PAFAH1B1: variants seen among roughly 807,000 people sequenced by gnomAD.
PAFAH1B1 encodes the protein platelet-activating factor acetylhydrolase IB subunit beta.
PAFAH1B1 carries 2 observed loss-of-function variants against 57.5 expected under a neutral mutation model. The ratio of observed to expected loss-of-function variants is 0.03; its 90% CI spans 0.01 to 0.11. PAFAH1B1 has a LOEUF of 0.11. Among genes scored for constraint, PAFAH1B1 ranks in the 10% least tolerant of loss-of-function variants. PAFAH1B1 has a pLI of 1.00. For synonymous variants in PAFAH1B1, 152 were observed against 169.6 expected, an observed-to-expected ratio of 0.90 and a Z score of 0.81; for missense variants, 257 against 512.0, an observed-to-expected ratio of 0.50 and a Z score of 4.81.
rs1162498160 is a variant in PAFAH1B1, at chr17:2,618,272, C to G, written c.-190-19827C>G. Among the ~76,000 whole-genome samples the G allele has an allele frequency of 2.6e-5, 4 of 152,102 alleles. No homozygotes were observed. The East Asian group carries it at 7.7e-4, about 29-fold the overall frequency. ...TCAAACAAACCAAACTTTCATTTAT[C>G]ATTTGTAATAGTGTGAATGGGAAAA... On this transcript the variant is annotated intron_variant, in intron 1 of 10. Coordinates refer to ENST00000397195, the MANE Select transcript of PAFAH1B1 (RefSeq NM_000430.4).
intron 2 of PAFAH1B1, among the ~76,000 whole-genome samples, chr17:2,653,227 A>G (rs1163960997): frequency 1.3e-5 from 2 of 152,180 alleles, no homozygotes; most frequent in Admixed American, 6.6e-5. Flanking sequence ...CAATGAGAAC[A>G]GCTGGACACA....
At chr17:2,641,784 G>A (rs1026153804) in intron 2 of PAFAH1B1, 2 of 152,144 alleles carry the variant, frequency 1.3e-5, no homozygotes, top group African/African-American at 4.8e-5. Flanking sequence ...TTATTACTGG[G>A]ATGTCTTTGT....
chr17:2,620,662 T>A (rs896715429), intron 1 of PAFAH1B1, among the ~76,000 whole-genome samples: 1 of 152,050 alleles, frequency 6.6e-6, no homozygotes, highest in Non-Finnish European at 1.5e-5. Flanking sequence ...AAGAGATTGA[T>A]ACCATCCTGG....
At chr17:2,626,553 T>TTC (rs2068493497) in intron 1 of PAFAH1B1, among the ~76,000 whole-genome samples, 1 of 32,698 alleles carries the variant, frequency 3.1e-5, no homozygotes, top group African/African-American at 9.5e-5. Context: ...TCACCTTTCT[T>TTC]CCCCCCCCCC....
chr17:2,630,338 A>G (rs2068540337), intron 1 of PAFAH1B1, among the ~76,000 whole-genome samples: 1 of 152,118 alleles, frequency 6.6e-6, no homozygotes, highest in Non-Finnish European at 1.5e-5. Flanking sequence ...TGTTTGTCTG[A>G]AAATGACTGT....
At chr17:2,634,231 G>C (rs1411426082) in intron 1 of PAFAH1B1, among the ~76,000 whole-genome samples, 3 of 152,100 alleles carry the variant, frequency 2.0e-5, no homozygotes, top group Non-Finnish European at 4.4e-5. Flanking sequence ...CCGCCTCCCA[G>C]GTTCAAGCGA....
chr17:2,644,977 T>G (rs1325375311), intron 2 of PAFAH1B1, among the ~76,000 whole-genome samples: 1 of 152,182 alleles, frequency 6.6e-6, no homozygotes, highest in African/African-American at 2.4e-5. Flanking sequence ...CCAGGTGTGG[T>G]GACTCACACC....
At chr17:2,644,088 CG>C (rs1336261762) in intron 2 of PAFAH1B1, among the ~76,000 whole-genome samples, 2 of 151,132 alleles carry the variant, frequency 1.3e-5, no homozygotes, top group African/African-American at 4.9e-5. Flanking sequence ...ATGTTGCCCA[CG>C]GTGGTCTCAC....
chr17:2,655,758 A>G (rs150739156), intron 2 of PAFAH1B1, among the ~76,000 whole-genome samples: 4 of 152,172 alleles, frequency 2.6e-5, no homozygotes, highest in South Asian at 2.1e-4. Flanking sequence ...CCTTGTTACA[A>G]TGTCGTCACA....
chr17:2,650,738 AATT>A (rs1193180645), intron 2 of PAFAH1B1, among the ~76,000 whole-genome samples: 1 of 152,096 alleles, frequency 6.6e-6, no homozygotes, highest in East Asian at 1.9e-4. Context: ...TTTTCTTTAA[AATT>A]ATTGTGAGTT....
intron 1 of PAFAH1B1, among the ~76,000 whole-genome samples, chr17:2,624,360 G>T (rs1433067282): frequency 1.3e-5 from 2 of 152,050 alleles, no homozygotes; most frequent in Non-Finnish European, 2.9e-5. Context: ...GCAATTCCGC[G>T]TTCTACTGTT....
intron 2 of PAFAH1B1, among the ~76,000 whole-genome samples, chr17:2,651,806 A>C (rs929446951): frequency 6.6e-6 from 1 of 151,988 alleles, no homozygotes; most frequent in Non-Finnish European, 1.5e-5. Context: ...TCTCACATTT[A>C]TGTGGTGTAT....
At chr17:2,644,162 TC>T (rs2068736388) in intron 2 of PAFAH1B1, among the ~76,000 whole-genome samples, 2 of 150,796 alleles carry the variant, frequency 1.3e-5, no homozygotes, top group African/African-American at 4.9e-5. Context: ...CCTCTCTTGC[TC>T]TTTTTTTTTT....
At chr17:2,651,170 C>G (rs191619883) in intron 2 of PAFAH1B1, among the ~76,000 whole-genome samples, 20 of 152,182 alleles carry the variant, frequency 1.3e-4, no homozygotes, top group Admixed American at 1.2e-3. Flanking sequence ...TTGAATAGCC[C>G]TTTCCTTATT....
Position 2,593,675 on chromosome 17 carries a change from G to GCGGCGGCGGAGTC in PAFAH1B1, c.-514_-502dup, listed in dbSNP as rs1382768887. On this transcript the variant is annotated 5_prime_UTR_variant, in exon 1 of 11. Transcript: ENST00000397195. ...TGACAGACGGAGCTGGAGCGGCGGG[G>GCGGCGGCGGAGTC]CGGCGGCGGAGTCCGGCGGCCGGGA... is the stretch of plus-strand genomic sequence containing the variant. 3.3e-6 allele frequency: 1 copy of GCGGCGGCGGAGTC among 298,612 alleles called. No individual in the cohort carries two copies. The highest frequency in any genetic ancestry group is 6.1e-6 in the Non-Finnish European group (1 of 164,502). The allele number at this position is 298,612 out of a possible 1,614,324, so 18.5% of individuals were successfully genotyped here.
intron 1 of PAFAH1B1, among the ~76,000 whole-genome samples, chr17:2,602,249 C>CT (rs2068152320): frequency 7.0e-6 from 1 of 142,862 alleles, no homozygotes; most frequent in Non-Finnish European, 1.6e-5. Context: ...TCTCCACCTA[C>CT]TGAAAAAAAA....
intron 1 of PAFAH1B1, among the ~76,000 whole-genome samples, chr17:2,622,543 A>G (rs969138695): frequency 2.0e-5 from 3 of 152,178 alleles, no homozygotes; most frequent in African/African-American, 7.2e-5. Flanking sequence ...CTGATGCAAG[A>G]GGTGGGTTCC....
chr17:2,636,665 C>G (rs1369973299), intron 1 of PAFAH1B1, among the ~76,000 whole-genome samples: 1 of 152,114 alleles, frequency 6.6e-6, no homozygotes, highest in Non-Finnish European at 1.5e-5. Flanking sequence ...TCCCAAAGTG[C>G]TAGGTTTGCA....
At chr17:2,656,732 T>G (rs1318031781) in intron 2 of PAFAH1B1, among the ~76,000 whole-genome samples, 2 of 152,206 alleles carry the variant, frequency 1.3e-5, no homozygotes, top group African/African-American at 4.8e-5. Flanking sequence ...GGGCTTGACT[T>G]ACTATACAGT....
Sources: gnomAD v4.1 joint callset for allele counts (sites outside exome capture counted in the v4.1 genomes callset) on GRCh38, gnomAD v4.1.1 for gene constraint, MANE v1.5 for transcripts, NCBI Gene and HGNC (gene_info 2026-07-23, HGNC 2026-07-21) for gene names.